The following DEFB132 variants were observed in gnomAD, a reference collection of about 807,000 sequenced individuals.
The protein encoded by DEFB132 is beta-defensin 132.
In DEFB132, 5 loss-of-function variants were observed where a neutral mutation model predicts 2.5. That is an observed-to-expected ratio of 2.00 (90% confidence interval 1.04 to 4.20). DEFB132 has a LOEUF of 4.20. Among genes scored for constraint, DEFB132 ranks in the 30% most tolerant of loss-of-function variants. The pLI, the probability that DEFB132 is intolerant of heterozygous loss-of-function variation, is 0.00. For synonymous variants in DEFB132, 53 were observed against 46.2 expected (o/e 1.15, Z -0.60); for missense variants, 112 against 110.0 (o/e 1.02, Z -0.08).
Position 261,015 on chromosome 20 carries a change from T to C in DEFB132, c.*1709T>C, listed in dbSNP as rs1229763886. On this transcript the variant is annotated 3_prime_UTR_variant, in exon 2 of 2. Coordinates refer to ENST00000382376, the MANE Select transcript of DEFB132 (RefSeq NM_207469.3). ...GTCATATGAATAGTATTCATTTGTA[T>C]ACTGGTTTGTTGATGGACATTTGGG... is the stretch of plus-strand genomic sequence containing the variant. 1 of 152,266 alleles carries C rather than the reference T, an allele frequency of 6.6e-6. No homozygotes were observed. Among genetic ancestry groups the C allele is most frequent in the Admixed American group, 6.5e-5 (1 of 15,286 alleles). 9.4% of individuals were successfully genotyped at this position (152,266 alleles called of 1,614,324 possible). A position where few individuals can be genotyped will look rare whatever the true frequency, so the allele number is the denominator to read the frequency against.
chr20:257,931 G>C, intron 1 of DEFB132, 95 bp downstream of exon 1: 1 of 1,297,328 alleles, frequency 7.7e-7, no homozygotes, highest in Non-Finnish European at 1.1e-6. Context: ...TTGGGTGGAG[G>C]CAGGGCTCAC....
At position 260,774 on chromosome 20, in the gene DEFB132, G is replaced by C. The variant is rs930291625; in HGVS notation, c.*1468G>C. 6.6e-6 allele frequency: 1 copy of C among 152,144 alleles called. No homozygotes were observed. The highest frequency in any genetic ancestry group is 2.4e-5 in the African/African-American group (1 of 41,432). 9.4% of individuals were successfully genotyped at this position (152,144 alleles called of 1,614,324 possible). A position where few individuals can be genotyped will look rare whatever the true frequency, so the allele number is the denominator to read the frequency against. On this transcript the variant is annotated 3_prime_UTR_variant, in exon 2 of 2. Coordinates refer to ENST00000382376, the MANE Select transcript of DEFB132 (RefSeq NM_207469.3). ...ATGGTTTTAAAATGACAGTGTAAAA[G>C]TAAAGTATTAAAAGATTGTGTGGTC...
At position 259,232 on chromosome 20, in the gene DEFB132, G is replaced by T. The variant is rs200385381; in HGVS notation, c.214G>T (p.Gly72Cys). ...LPKPDLPQLI[G>C]NHWQSRRRNT... ...GAAGCCTGACCTACCACAGCTCATC[G>T]GTAACCACTGGCAATCAAGGAGAAG... is the stretch of plus-strand genomic sequence containing the variant. The change falls in exon 2 of 2, where the codon GGT (glycine) becomes TGT (cysteine). Residue 72 changes from glycine to cysteine, a missense_variant. Transcript: ENST00000382376. 1.9e-6 allele frequency: 3 copies of T among 1,612,690 alleles called. No homozygotes were observed. Among genetic ancestry groups the T allele is most frequent in the Non-Finnish European group, 2.5e-6 (3 of 1,179,576 alleles).
In DEFB132 at chr20:259,187, A is replaced by C. The variant is rs1482189396; in HGVS notation, c.169A>C (p.Ile57Leu). Residue 57 changes from isoleucine (I) to leucine (L), a missense_variant, in exon 2 of 2, where the codon ATC becomes CTC. Ile to Leu is a conservative substitution (Grantham distance 5). Transcript: ENST00000382376. ...GTGCAACGCTTCCAGAAAATGCTGC[A>C]TCAGCTACTCCTTCCTGCCGAAGCC... ...FMCNASRKCCISYSFLPKPDL... is the reference protein window; with the variant it reads ...FMCNASRKCCLSYSFLPKPDL... 7 of 1,614,230 alleles carry C rather than the reference A, an allele frequency of 4.3e-6. No individual in the cohort carries two copies. The East Asian group carries it at 6.7e-5, about 15-fold the overall frequency.
intron 1 of DEFB132, 73 bp from the exon 2 acceptor site, chr20:259,004 T>C (rs2011609389): frequency 4.8e-6 from 7 of 1,471,240 alleles, no homozygotes; most frequent in Non-Finnish European, 6.6e-6. Flanking sequence ...AACACTCCCA[T>C]CTGGCGCTGA....
rs2011619627 is a variant in DEFB132, at chr20:259,596, G to A, written c.*290G>A. The A allele has an allele frequency of 2.4e-6, 1 of 420,168 alleles. No individual in the cohort carries two copies. Among genetic ancestry groups the A allele is most frequent in the Non-Finnish European group, 4.4e-6 (1 of 224,812 alleles). The allele number at this position is 420,168 out of a possible 1,614,324, so 26.0% of individuals were successfully genotyped here. On this transcript the variant is annotated 3_prime_UTR_variant, in exon 2 of 2. Transcript: ENST00000382376. ...GAATTGGACATGCAAAAGATTGACTGGGAGAACACACCTCTGATGGACAAA... is the reference window on the plus strand; with the variant it reads ...GAATTGGACATGCAAAAGATTGACTAGGAGAACACACCTCTGATGGACAAA...
At chr20:258,059 G>A (rs545526996) in intron 1 of DEFB132, among the ~76,000 whole-genome samples, 1 of 152,304 alleles carries the variant, frequency 6.6e-6, no homozygotes, top group South Asian at 2.1e-4. Context: ...ATTCTAAAAT[G>A]ATAGTCACCC....
intron 1 of DEFB132, 150 bp from the exon 2 acceptor site, chr20:258,927 T>A: frequency 1.4e-6 from 1 of 732,064 alleles, no homozygotes. Flanking sequence ...TTTTGTCTCC[T>A]CATCACTGGC....
At chr20:258,586 T>C (rs2011605191) in intron 1 of DEFB132, among the ~76,000 whole-genome samples, 1 of 152,100 alleles carries the variant, frequency 6.6e-6, no homozygotes, top group Admixed American at 6.5e-5. Context: ...TGGCAACCGT[T>C]ATTTTCTTTT....
intron 1 of DEFB132, 48 bp downstream of exon 1, chr20:257,884 T>C (rs2011599277): frequency 1.3e-6 from 2 of 1,580,308 alleles, no homozygotes; most frequent in Non-Finnish European, 1.7e-6. Context: ...CGAGGAACAC[T>C]AGCATATCTG....
chr20:259,136 C>T lies in DEFB132; in HGVS notation c.118C>T (p.His40Tyr). 6.2e-7 allele frequency: 1 copy of T among 1,614,196 alleles called. No individual in the cohort carries two copies. Residue 40 changes from histidine to tyrosine, a missense_variant, in exon 2 of 2, where the codon CAC becomes TAC. By Grantham distance (83) the His-to-Tyr change is moderately conservative. Coordinates refer to ENST00000382376, the MANE Select transcript of DEFB132 (RefSeq NM_207469.3). The part of the protein sequence containing the change: ...NTPGYCRTCC[H>Y]WGETALFMCN... Reference sequence around the variant, plus strand: ...CCCAGGATACTGCAGGACATGTTGCCACTGGGGGGAGACAGCATTGTTCAT... The same window carrying T: ...CCCAGGATACTGCAGGACATGTTGCTACTGGGGGGAGACAGCATTGTTCAT...
At chr20:258,825 C>T (rs1181613129) in intron 1 of DEFB132, among the ~76,000 whole-genome samples, 3 of 152,166 alleles carry the variant, frequency 2.0e-5, no homozygotes, top group African/African-American at 2.4e-5. Context: ...TCTGTAGTAT[C>T]AAATTTAGCA....
At chr20:258,994 A>C in intron 1 of DEFB132, 83 bp from the exon 2 acceptor site, 1 of 1,398,512 alleles carries the variant, frequency 7.2e-7, no homozygotes, top group East Asian at 2.3e-5. Flanking sequence ...CAAAAAGCCA[A>C]ACACTCCCAT....
Position 260,942 on chromosome 20 carries a change from A to G in DEFB132, c.*1636A>G, listed in dbSNP as rs1400934722. The G allele has an allele frequency of 6.6e-6, 1 of 152,196 alleles. No individual in the cohort carries two copies. Among genetic ancestry groups the G allele is most frequent in the Non-Finnish European group, 1.5e-5 (1 of 68,028 alleles). The allele number at this position is 152,196 out of a possible 1,614,324, so 9.4% of individuals were successfully genotyped here. ...TATCATTTTGAAATTCATCCATCTT[A>G]TTGGGTATTGCAGGAGTTCATTCCT... On this transcript the variant is annotated 3_prime_UTR_variant, in exon 2 of 2. Transcript: ENST00000382376.
At chr20:258,344 G>A (rs1464500949) in intron 1 of DEFB132, among the ~76,000 whole-genome samples, 1 of 152,138 alleles carries the variant, frequency 6.6e-6, no homozygotes. Flanking sequence ...CCTGGGGCTA[G>A]GAGATAATGC....
In DEFB132 at chr20:257,768, C is replaced by T. The variant is rs2011597042; in HGVS notation, c.-11C>T. Reference sequence around the variant, plus strand: ...AAACCACCACCAGCTCCCCAAGCCACCCCTTCAGCCATGAAGTTCCTGCTC... The same window carrying T: ...AAACCACCACCAGCTCCCCAAGCCATCCCTTCAGCCATGAAGTTCCTGCTC... On this transcript the variant is annotated 5_prime_UTR_variant, in exon 1 of 2. Coordinates refer to ENST00000382376, the MANE Select transcript of DEFB132 (RefSeq NM_207469.3). 1.3e-6 allele frequency: 2 copies of T among 1,593,460 alleles called. No homozygotes were observed. The highest frequency in any genetic ancestry group is 2.9e-5 in the African/African-American group (2 of 69,650).
rs2011638934 is a variant in DEFB132 at position 260,993 on chromosome 20, A to G, written c.*1687A>G. The G allele has an allele frequency of 6.6e-6, 1 of 152,230 alleles. No homozygotes were observed. Among genetic ancestry groups the G allele is most frequent in the African/African-American group, 2.4e-5 (1 of 41,454 alleles). The allele number at this position is 152,230 out of a possible 1,614,324, so 9.4% of individuals were successfully genotyped here. A position where few individuals can be genotyped will look rare whatever the true frequency, so the allele number is the denominator to read the frequency against. ...TTTTGTTTATAAATACTCTTCCGTCATATGAATAGTATTCATTTGTATACT... is the reference window on the plus strand; with the variant it reads ...TTTTGTTTATAAATACTCTTCCGTCGTATGAATAGTATTCATTTGTATACT... On this transcript the variant is annotated 3_prime_UTR_variant, in exon 2 of 2. Transcript: ENST00000382376.
In DEFB132 at chr20:260,989, C is replaced by T. The variant is rs1360487303; in HGVS notation, c.*1683C>T. 7.9e-5 allele frequency: 12 copies of T among 152,224 alleles called. No homozygotes were observed. Among genetic ancestry groups the T allele is most frequent in the East Asian group, 3.9e-4 (2 of 5,192 alleles). The allele number at this position is 152,224 out of a possible 1,614,324, so 9.4% of individuals were successfully genotyped here. A position where few individuals can be genotyped will look rare whatever the true frequency, so the allele number is the denominator to read the frequency against. On this transcript the variant is annotated 3_prime_UTR_variant, in exon 2 of 2. Transcript: ENST00000382376. ...TCCTTTTTGTTTATAAATACTCTTC[C>T]GTCATATGAATAGTATTCATTTGTA... is the stretch of plus-strand genomic sequence containing the variant.
rs1356826600 is a variant in DEFB132, at chr20:260,187, T to A, written c.*881T>A. 13 of 152,172 alleles carry A rather than the reference T, an allele frequency of 8.5e-5. No individual in the cohort carries two copies. Among genetic ancestry groups the A allele is most frequent in the Non-Finnish European group, 1.2e-4 (8 of 68,028 alleles). The allele number at this position is 152,172 out of a possible 1,614,324, so 9.4% of individuals were successfully genotyped here. A position where few individuals can be genotyped will look rare whatever the true frequency, so the allele number is the denominator to read the frequency against. On this transcript the variant is annotated 3_prime_UTR_variant, in exon 2 of 2. Transcript: ENST00000382376. ...TACTCATGGTGTCAAATTGGCATAA[T>A]CCTCTTGGGAAGCTGTGTGGAAATA...
Sources: allele counts gnomAD v4.1 joint callset (sites outside exome capture counted in the v4.1 genomes callset), GRCh38; gene constraint gnomAD v4.1.1; transcripts MANE v1.5; gene names NCBI Gene and HGNC (gene_info 2026-07-23, HGNC 2026-07-21).